The following SAMMSON variants were observed in gnomAD, a reference collection of about 807,000 sequenced individuals.
SAMMSON encodes long intergenic non-protein coding RNA 1212.
At chr3:70,367,149 T>C (rs1003026316) in intron 9 of SAMMSON, among the ~76,000 whole-genome samples, 1 of 151,646 alleles carries the variant, frequency 6.6e-6, no homozygotes, top group African/African-American at 2.4e-5. Flanking sequence ...CTCAAACAGT[T>C]ATCATTTATT....
intron 4 of SAMMSON, among the ~76,000 whole-genome samples, chr3:70,148,863 G>A (rs1012133534): frequency 3.3e-5 from 5 of 152,044 alleles, no homozygotes; most frequent in African/African-American, 1.2e-4. Context: ...CCAAATGATA[G>A]CATGATTCCT....
intron 1 of SAMMSON, chr3:70,009,311 T>G (rs1473726316): frequency 6.6e-6 from 1 of 152,198 alleles, no homozygotes; most frequent in Admixed American, 6.5e-5. Context: ...TTGCCTCAAT[T>G]TCAGAGCCTG....
At chr3:70,364,922 G>C (rs556893704) in intron 9 of SAMMSON, among the ~76,000 whole-genome samples, 1 of 151,166 alleles carries the variant, frequency 6.6e-6, no homozygotes, top group Non-Finnish European at 1.5e-5. Flanking sequence ...TATAAATCCC[G>C]CATCTCTTTC....
chr3:70,381,322 T>G (rs1395937216), intron 9 of SAMMSON, among the ~76,000 whole-genome samples: 1 of 152,160 alleles, frequency 6.6e-6, no homozygotes, highest in Non-Finnish European at 1.5e-5. Context: ...AAATGTGGAA[T>G]GAGTGACAGA....
chr3:70,377,327 A>C (rs188102088), intron 9 of SAMMSON, among the ~76,000 whole-genome samples: 2 of 152,166 alleles, frequency 1.3e-5, no homozygotes, highest in Non-Finnish European at 2.9e-5. Flanking sequence ...TTGTGTGGAA[A>C]GAAATGTAAC....
intron 3 of SAMMSON, among the ~76,000 whole-genome samples, chr3:70,063,082 C>T (rs7645353): frequency 0.39 from 58,157 of 149,636 alleles, 12,042 homozygotes; most frequent in East Asian, 0.61. Flanking sequence ...CCTTCTGTCA[C>T]CAGCCCCCCC....
intron 4 of SAMMSON, among the ~76,000 whole-genome samples, chr3:70,183,028 A>T (rs2106706530): frequency 6.6e-6 from 1 of 152,340 alleles, no homozygotes; most frequent in South Asian, 2.1e-4. Context: ...AAAAGTAGGC[A>T]TTTGGGTCCT....
intron 7 of SAMMSON, among the ~76,000 whole-genome samples, chr3:70,322,969 C>T (rs564073067): frequency 2.6e-5 from 4 of 151,892 alleles, no homozygotes; most frequent in Non-Finnish European, 4.4e-5. Flanking sequence ...CTGGAGAAGT[C>T]GTGAGAAAAT....
intron 4 of SAMMSON, among the ~76,000 whole-genome samples, chr3:70,148,790 T>C (rs1308321530): frequency 6.6e-6 from 1 of 152,092 alleles, no homozygotes; most frequent in Non-Finnish European, 1.5e-5. Context: ...AAACACCTCC[T>C]ACTAAGCCCC....
At chr3:70,337,090 AATAATAATATCTAACTTAATATTC>A (rs1275739136) in intron 7 of SAMMSON, among the ~76,000 whole-genome samples, 26 of 40,994 alleles carry the variant, frequency 6.3e-4, no homozygotes, top group African/African-American at 1.1e-3. Flanking sequence ...TATTCTTATT[AATAATAATATCTAACTTAATATTC>A]TTATTAATAA....
intron 7 of SAMMSON, among the ~76,000 whole-genome samples, chr3:70,315,647 G>C (rs111452240): frequency 1.2e-4 from 18 of 152,152 alleles, no homozygotes; most frequent in African/African-American, 3.9e-4. Flanking sequence ...CCCCAAAATT[G>C]TCATCTGGGT....
chr3:70,239,403 T>C (rs1701643317), intron 4 of SAMMSON, among the ~76,000 whole-genome samples: 2 of 152,184 alleles, frequency 1.3e-5, no homozygotes, highest in Admixed American at 6.6e-5. Flanking sequence ...TTCAGGATGT[T>C]ATGCAATTAG....
At chr3:70,112,839 A>C (rs1380232659) in intron 4 of SAMMSON, among the ~76,000 whole-genome samples, 1 of 152,228 alleles carries the variant, frequency 6.6e-6, no homozygotes, top group African/African-American at 2.4e-5. Flanking sequence ...CTGATATAGC[A>C]GACTTGGTTT....
intron 4 of SAMMSON, among the ~76,000 whole-genome samples, chr3:70,099,828 A>G (rs1267829448): frequency 2.6e-5 from 4 of 152,040 alleles, no homozygotes; most frequent in East Asian, 1.9e-4. Flanking sequence ...TCATAACCCA[A>G]TATTCTGGGG....
intron 1 of SAMMSON, among the ~76,000 whole-genome samples, chr3:70,007,674 G>T (rs1374503059): frequency 6.6e-6 from 1 of 151,838 alleles, no homozygotes; most frequent in Admixed American, 6.6e-5. Flanking sequence ...GTCAATTTTG[G>T]CTTTTGTTGC....
intron 7 of SAMMSON, among the ~76,000 whole-genome samples, chr3:70,334,771 G>A (rs2106724493): frequency 6.6e-6 from 1 of 152,206 alleles, no homozygotes; most frequent in South Asian, 2.1e-4. Context: ...ATGAATTAAA[G>A]AGCTGGGGTT....
Position 70,263,930 on chromosome 3 carries a change from T to C in SAMMSON, n.674+14260T>C, listed in dbSNP as rs565738991. On this transcript the variant is annotated intron_variant and non_coding_transcript_variant, in intron 6 of 9. Coordinates refer to ENST00000642114, the Ensembl canonical transcript of SAMMSON. Reference sequence around the variant, plus strand: ...GTTGTCCAATATCTCAAATGGTTGTTGAATACATTATTTCTAGTTCTTTAG... The same window carrying C: ...GTTGTCCAATATCTCAAATGGTTGTCGAATACATTATTTCTAGTTCTTTAG... Among the ~76,000 whole-genome samples, 14 of 152,326 alleles carry C rather than the reference T, an allele frequency of 9.2e-5. No homozygotes were observed. The South Asian group carries it at 2.9e-3, about 32-fold the overall frequency.
intron 6 of SAMMSON, among the ~76,000 whole-genome samples, chr3:70,255,751 C>T (rs1701809710): frequency 6.6e-6 from 1 of 152,248 alleles, no homozygotes; most frequent in Middle Eastern, 3.4e-3. Context: ...TCCCCCGTAC[C>T]CAGCCAGGGG....
chr3:70,087,236 C>T (rs2067288717), intron 4 of SAMMSON, among the ~76,000 whole-genome samples: 1 of 152,134 alleles, frequency 6.6e-6, no homozygotes, highest in Admixed American at 6.5e-5. Context: ...AGCTTTGGGC[C>T]ATAAATTGTC....
Sources: gnomAD v4.1 joint callset for allele counts (sites outside exome capture counted in the v4.1 genomes callset) on GRCh38, gnomAD v4.1.1 for gene constraint, MANE v1.5 for transcripts, NCBI Gene and HGNC (gene_info 2026-07-23, HGNC 2026-07-21) for gene names.